Variants in DNAAF4 observed in about 807,000 individuals in gnomAD.
DNAAF4 encodes dynein assembly factor 4, axonemal.
DNAAF4 carries 43 observed loss-of-function variants against 51.8 expected under a neutral mutation model. The ratio of observed to expected loss-of-function variants is 0.83; its 90% CI spans 0.65 to 1.07. DNAAF4 has a LOEUF of 1.07. Ranked by LOEUF, DNAAF4 falls within the 50% of genes least tolerant of loss-of-function variation. DNAAF4 has a pLI of 0.00. For synonymous variants in DNAAF4, 194 were observed against 165.6 expected (o/e 1.17, Z -1.32); for missense variants, 581 against 493.0 (o/e 1.18, Z -1.69).
At chr15:55,459,325 C>T (rs1338449699) in intron 5 of DNAAF4, among the ~76,000 whole-genome samples, 1 of 151,994 alleles carries the variant, frequency 6.6e-6, no homozygotes, top group African/African-American at 2.4e-5. Flanking sequence ...CACTACCATG[C>T]CAGCACTACA....
intron 7 of DNAAF4, chr15:55,418,556 C>T (rs2057358531): frequency 6.8e-7 from 1 of 1,463,134 alleles, no homozygotes; most frequent in Non-Finnish European, 9.2e-7. Flanking sequence ...TCCTAATATT[C>T]AACACACTCT....
At chr15:55,449,696 C>T (rs372554812) in intron 6 of DNAAF4, among the ~76,000 whole-genome samples, 5,819 of 91,794 alleles carry the variant, frequency 0.063, 277 homozygotes, top group South Asian at 0.13. Context: ...AAAAAGACCG[C>T]TTTTTTTTTT....
intron 4 of DNAAF4, among the ~76,000 whole-genome samples, chr15:55,468,311 G>C (rs1335983669): frequency 6.6e-6 from 1 of 152,132 alleles, no homozygotes. Flanking sequence ...CTCTCTTCTA[G>C]AAGACTGATT....
chr15:55,457,892 G>C (rs2058042895), intron 5 of DNAAF4, among the ~76,000 whole-genome samples: 1 of 152,254 alleles, frequency 6.6e-6, no homozygotes, highest in South Asian at 2.1e-4. Context: ...ACATTCCCCA[G>C]CACCAGCCTG....
At chr15:55,487,028 A>G (rs2058499432) in intron 4 of DNAAF4, among the ~76,000 whole-genome samples, 1 of 152,184 alleles carries the variant, frequency 6.6e-6, no homozygotes, top group Admixed American at 6.5e-5. Context: ...CTAATTTTAC[A>G]CTTTTGTGGA....
chr15:55,444,537 G>C (rs144679946), intron 6 of DNAAF4, among the ~76,000 whole-genome samples: 1 of 152,064 alleles, frequency 6.6e-6, no homozygotes, highest in African/African-American at 2.4e-5. Flanking sequence ...GTTCTTTTTT[G>C]GTTCCATATG....
At chr15:55,454,871 G>T (rs145204475) in intron 5 of DNAAF4, among the ~76,000 whole-genome samples, 3 of 152,028 alleles carry the variant, frequency 2.0e-5, no homozygotes, top group African/African-American at 7.2e-5. Flanking sequence ...ACAAAGGATA[G>T]ATTACTTTAT....
chr15:55,451,305 T>G (rs1395623926), intron 5 of DNAAF4, among the ~76,000 whole-genome samples: 1 of 152,204 alleles, frequency 6.6e-6, no homozygotes, highest in African/African-American at 2.4e-5. Flanking sequence ...AACTAAATTT[T>G]TATCTTTATT....
At chr15:55,443,865 A>G (rs962022163) in intron 6 of DNAAF4, among the ~76,000 whole-genome samples, 3 of 152,118 alleles carry the variant, frequency 2.0e-5, no homozygotes, top group African/African-American at 4.8e-5. Context: ...GTGTCTGTTC[A>G]TATCCTTCAC....
intron 4 of DNAAF4, among the ~76,000 whole-genome samples, chr15:55,471,226 G>C (rs2058250637): frequency 2.6e-5 from 4 of 152,136 alleles, no homozygotes; most frequent in Admixed American, 2.6e-4. Flanking sequence ...GCAAGTTCCA[G>C]ACAACTAGTC....
At chr15:55,462,296 G>A (rs968693434) in intron 5 of DNAAF4, among the ~76,000 whole-genome samples, 2 of 151,734 alleles carry the variant, frequency 1.3e-5, no homozygotes, top group Admixed American at 6.6e-5. Context: ...GGGTTTAAGC[G>A]ATTCTCCTGC....
At chr15:55,501,562 A>C (rs1304072704) in intron 1 of DNAAF4, among the ~76,000 whole-genome samples, 1 of 131,462 alleles carries the variant, frequency 7.6e-6, no homozygotes, top group Non-Finnish European at 1.6e-5. Flanking sequence ...TTTTTAGTAG[A>C]GACGGGGTTT....
chr15:55,469,474 C>CTTTTTTTTTTTTTT (rs1162485238), intron 4 of DNAAF4, among the ~76,000 whole-genome samples: 1 of 66,254 alleles, frequency 1.5e-5, no homozygotes, highest in African/African-American at 6.4e-5. Context: ...CTTACCAATT[C>CTTTTTTTTTTTTTT]TTTTTTTTTT....
Position 55,497,872 on chromosome 15 carries a change from G to C in DNAAF4, c.124-13C>G, listed in dbSNP as rs1372952577. ...GAGGAAAGTTGACCTATGCAGAAGG[G>C]TGAAAACAGAAACTAAGTTAGTTAC... On this transcript the variant is annotated splice_polypyrimidine_tract_variant and intron_variant, in intron 2 of 9. Transcript: ENST00000321149. 1 of 1,581,828 alleles carries C rather than the reference G, an allele frequency of 6.3e-7. No individual in the cohort carries two copies. Among genetic ancestry groups the C allele is most frequent in the Admixed American group, 1.9e-5 (1 of 52,968 alleles).
intron 5 of DNAAF4, among the ~76,000 whole-genome samples, chr15:55,460,103 A>T (rs1036960499): frequency 5.3e-5 from 8 of 152,160 alleles, no homozygotes; most frequent in African/African-American, 1.7e-4. Flanking sequence ...TTAGTCCAAC[A>T]GGAAAATATC....
In DNAAF4 at chr15:55,452,163, G is replaced by A. The variant is rs62019991; in HGVS notation, c.638-1796C>T. Among the ~76,000 whole-genome samples the A allele has an allele frequency of 8.1e-3, 1,113 of 137,026 alleles. 6 individuals carry two copies. Among genetic ancestry groups the A allele is most frequent in the Non-Finnish European group, 0.011 (730 of 65,916 alleles). The allele number at this position is 137,026 out of a possible 152,430, so 89.9% of individuals were successfully genotyped here. On this transcript the variant is annotated intron_variant, in intron 5 of 9. Coordinates refer to ENST00000321149, the MANE Select transcript of DNAAF4 (RefSeq NM_130810.4). ...TTTGGGAAGCTGAGGCAGGAGAATC[G>A]CTTCAACCTGGGAGGCAGAGGCTGC...
chr15:55,440,102 A>C (rs2057683879), intron 6 of DNAAF4, among the ~76,000 whole-genome samples: 1 of 151,858 alleles, frequency 6.6e-6, no homozygotes, highest in Non-Finnish European at 1.5e-5. Context: ...CCCAGGCTGG[A>C]GTGCAAGTGG....
At chr15:55,436,136 G>A (rs1464461089) in intron 7 of DNAAF4, among the ~76,000 whole-genome samples, 1 of 152,018 alleles carries the variant, frequency 6.6e-6, no homozygotes, top group African/African-American at 2.4e-5. Context: ...ATAGCAGCTG[G>A]ATCATTCAAC....
At chr15:55,506,875 A>G (rs571429871) in intron 1 of DNAAF4, among the ~76,000 whole-genome samples, 1 of 151,818 alleles carries the variant, frequency 6.6e-6, no homozygotes, top group East Asian at 1.9e-4. Context: ...TTTTTGATGG[A>G]GTTTCACTCT....
Sources: gnomAD v4.1 joint callset for allele counts (sites outside exome capture counted in the v4.1 genomes callset) on GRCh38, gnomAD v4.1.1 for gene constraint, MANE v1.5 for transcripts, NCBI Gene and HGNC (gene_info 2026-07-23, HGNC 2026-07-21) for gene names.